CCDC171: variants seen among roughly 807,000 people sequenced by gnomAD.
CCDC171 encodes the protein coiled-coil domain containing 171.
In CCDC171, 177 loss-of-function variants were observed where a neutral mutation model predicts 168.2. The observed-to-expected ratio is 1.05, with a 90% CI of 0.93 to 1.19. The LOEUF (loss-of-function observed/expected upper bound fraction) is 1.19, where lower values mean the gene tolerates loss of function less well. Among genes scored for constraint, CCDC171 ranks in the 50% most tolerant of loss-of-function variants. The probability of loss-of-function intolerance (pLI) is 0.00; values close to 1 mark genes in which losing one functional copy is unlikely to be tolerated. For missense variants in CCDC171, 1,991 were observed against 1,539.0 expected (o/e 1.29, Z -4.91); for synonymous variants, 687 against 540.8 (o/e 1.27, Z -3.75).
upstream of CCDC171, among the ~76,000 whole-genome samples, chr9:16,041,223 G>A (rs572427734): frequency 2.0e-5 from 3 of 152,320 alleles, no homozygotes; most frequent in East Asian, 5.8e-4. Context: ...GTGTGTTCAG[G>A]ACAGATTTCA....
chr9:15,769,821 TTC>T (rs1290254717), intron 18 of CCDC171, among the ~76,000 whole-genome samples: 1 of 152,186 alleles, frequency 6.6e-6, no homozygotes, highest in Non-Finnish European at 1.5e-5. Context: ...AAATACGAAA[TTC>T]TCTGTTATTT....
Position 15,593,998 on chromosome 9 carries a change from T to C in CCDC171, c.544-43T>C, listed in dbSNP as rs373004464. 35 of 1,408,852 alleles carry C rather than the reference T, an allele frequency of 2.5e-5. No homozygotes were observed. The African/African-American group carries it at 5.0e-4, about 20-fold the overall frequency. The allele number at this position is 1,408,852 out of a possible 1,614,324, so 87.3% of individuals were successfully genotyped here. ...TAAACTGGGGATGAAGGAAGATAAC[T>C]TTTATTGATCTAACAGTAAAGCAAG... On this transcript the variant is annotated intron_variant, in intron 5 of 25. Coordinates refer to ENST00000380701, the MANE Select transcript of CCDC171 (RefSeq NM_173550.4).
the CCDC171 span, among the ~76,000 whole-genome samples, chr9:16,104,785 G>A: frequency 6.6e-6 from 1 of 151,300 alleles, no homozygotes; most frequent in Non-Finnish European, 1.5e-5. Context: ...CTATATGCCA[G>A]GCATTGGGCT....
chr9:15,992,933 C>G (rs558472998), intron 3 of CCDC171, among the ~76,000 whole-genome samples: 1 of 151,994 alleles, frequency 6.6e-6, no homozygotes, highest in Non-Finnish European at 1.5e-5. Flanking sequence ...CACTGCTCAA[C>G]AAAATAAAAG....
intron 3 of CCDC171, among the ~76,000 whole-genome samples, chr9:15,992,632 T>G (rs1832238177): frequency 6.6e-6 from 1 of 152,162 alleles, no homozygotes; most frequent in South Asian, 2.1e-4. Context: ...GGTATTCAAC[T>G]ACGAAAAGAG....
intron 14 of CCDC171, among the ~76,000 whole-genome samples, chr9:15,727,661 G>A (rs1209305006): frequency 1.3e-5 from 2 of 152,066 alleles, no homozygotes; most frequent in East Asian, 1.9e-4. Flanking sequence ...TTCAGATTTC[G>A]ATTTTGAATA....
intron 18 of CCDC171, among the ~76,000 whole-genome samples, chr9:15,746,525 G>C (rs1267833516): frequency 6.6e-6 from 1 of 152,196 alleles, no homozygotes; most frequent in East Asian, 1.9e-4. Context: ...TAAACTAAAT[G>C]TATTTTAAGA....
intron 18 of CCDC171, among the ~76,000 whole-genome samples, chr9:15,751,869 A>ACACCAAAAGCAATGG (rs1368623864): frequency 6.6e-6 from 1 of 152,248 alleles, no homozygotes; most frequent in African/African-American, 2.4e-5. Flanking sequence ...CATGACTATA[A>ACACCAAAAGCAATGG]CACCAAAAGC....
intron 11 of CCDC171, 118 bp from the exon 12 acceptor site, chr9:15,721,651 T>TAA: frequency 2.4e-6 from 1 of 410,274 alleles, no homozygotes; most frequent in Non-Finnish European, 4.4e-6. Flanking sequence ...GGCCAAGTAT[T>TAA]AATAGTTTCA....
chr9:15,722,421 C>T (rs1198897309), intron 12 of CCDC171, among the ~76,000 whole-genome samples: 2 of 152,144 alleles, frequency 1.3e-5, no homozygotes, highest in African/African-American at 2.4e-5. Context: ...AAAGCTCATG[C>T]TTCTATTTAT....
At chr9:15,901,172 G>GTGGTT (rs1295455672) in intron 24 of CCDC171, among the ~76,000 whole-genome samples, 1 of 152,174 alleles carries the variant, frequency 6.6e-6, no homozygotes, top group East Asian at 1.9e-4. Context: ...AAAAAGATCA[G>GTGGTT]TGGTTGCCAG....
At chr9:15,596,242 T>A (rs1193177059) in intron 6 of CCDC171, among the ~76,000 whole-genome samples, 2 of 152,114 alleles carry the variant, frequency 1.3e-5, no homozygotes, top group Non-Finnish European at 2.9e-5. Flanking sequence ...TGAATGGTAT[T>A]GCCTAGGTTT....
intron 21 of CCDC171, among the ~76,000 whole-genome samples, chr9:15,837,261 C>T (rs1308995034): frequency 6.6e-6 from 1 of 152,138 alleles, no homozygotes; most frequent in Non-Finnish European, 1.5e-5. Flanking sequence ...CATTTTAAAG[C>T]ATCACCACTA....
intron 6 of CCDC171, among the ~76,000 whole-genome samples, chr9:15,615,400 G>A (rs1478300365): frequency 6.6e-6 from 1 of 152,062 alleles, no homozygotes. Flanking sequence ...ATCTGTGTGT[G>A]TATTTATATT....
chr9:15,767,687 T>C (rs1290980447), intron 18 of CCDC171, among the ~76,000 whole-genome samples: 1 of 151,918 alleles, frequency 6.6e-6, no homozygotes, highest in Non-Finnish European at 1.5e-5. Context: ...GTATTTGACA[T>C]TGCTGATCAC....
intron 24 of CCDC171, among the ~76,000 whole-genome samples, chr9:15,897,496 AGAAT>A (rs1054829960): frequency 1.2e-4 from 18 of 152,298 alleles, no homozygotes; most frequent in African/African-American, 4.1e-4. Flanking sequence ...GAACAACTAC[AGAAT>A]GAATGAAGTT....
intron 24 of CCDC171, among the ~76,000 whole-genome samples, chr9:15,889,548 A>G (rs1819913911): frequency 6.6e-6 from 1 of 152,142 alleles, no homozygotes; most frequent in Non-Finnish European, 1.5e-5. Context: ...AGACTTCAAC[A>G]GTTGTGTTAT....
At chr9:15,963,751 G>T (rs529109872) in intron 25 of CCDC171, among the ~76,000 whole-genome samples, 1 of 152,248 alleles carries the variant, frequency 6.6e-6, no homozygotes, top group East Asian at 1.9e-4. Flanking sequence ...CTGTACATGA[G>T]GCAGAGGCTG....
chr9:15,659,521 G>C (rs10962111), intron 8 of CCDC171, among the ~76,000 whole-genome samples: 7 of 152,044 alleles, frequency 4.6e-5, no homozygotes, highest in Non-Finnish European at 8.8e-5. Flanking sequence ...TATGAACTTA[G>C]ATTCTCAGTA....
Sources: allele counts gnomAD v4.1 joint callset (sites outside exome capture counted in the v4.1 genomes callset), GRCh38; gene constraint gnomAD v4.1.1; transcripts MANE v1.5; gene names NCBI Gene and HGNC (gene_info 2026-07-23, HGNC 2026-07-21).